The following PGCKA1 variants were observed in gnomAD, a reference collection of about 807,000 sequenced individuals.
PGCKA1 encodes PDCD10 and GCKIII kinases-associated protein 1.
chr4:37,554,837 G>A, the PGCKA1 span, among the ~76,000 whole-genome samples: 110 of 152,272 alleles, frequency 7.2e-4, no homozygotes, highest in Non-Finnish European at 1.2e-3. Context: ...AAAGAATAAT[G>A]AAAAGTCTAG....
At chr4:37,463,877 A>G in the PGCKA1 span, among the ~76,000 whole-genome samples, 12 of 152,154 alleles carry the variant, frequency 7.9e-5, no homozygotes, top group Non-Finnish European at 1.2e-4. Flanking sequence ...TTGACAGGCA[A>G]TTGCCCTTTA....
chr4:37,512,405 A>T, the PGCKA1 span, among the ~76,000 whole-genome samples: 1 of 151,652 alleles, frequency 6.6e-6, no homozygotes, highest in African/African-American at 2.4e-5. Context: ...CCACATTTCC[A>T]AATGTTTCCT....
chr4:37,515,191 G>C, the PGCKA1 span, among the ~76,000 whole-genome samples: 1 of 152,186 alleles, frequency 6.6e-6, no homozygotes, highest in South Asian at 2.1e-4. Context: ...CTCTCTTCCT[G>C]CCATATAAAG....
chr4:37,470,736 G>A, the PGCKA1 span, among the ~76,000 whole-genome samples: 366 of 152,240 alleles, frequency 2.4e-3, no homozygotes, highest in Non-Finnish European at 4.3e-3. Context: ...TATTTTCATT[G>A]TAAGCCAGTT....
chr4:37,527,086 G>A, the PGCKA1 span, among the ~76,000 whole-genome samples: 66 of 116,814 alleles, frequency 5.7e-4, no homozygotes, highest in Admixed American at 2.2e-3. Context: ...TAACAAAAAG[G>A]TTTTTTTAAT....
At chr4:37,546,565 G>C in the PGCKA1 span, among the ~76,000 whole-genome samples, 1 of 152,242 alleles carries the variant, frequency 6.6e-6, no homozygotes, top group Admixed American at 6.5e-5. Context: ...CAGTCAGGGA[G>C]CTCGGATTTT....
the PGCKA1 span, among the ~76,000 whole-genome samples, chr4:37,457,517 A>G: frequency 6.6e-6 from 1 of 152,194 alleles, no homozygotes; most frequent in Non-Finnish European, 1.5e-5. Flanking sequence ...TCACTTGATC[A>G]CTAGTTGTGG....
At chr4:37,591,067 G>T in the PGCKA1 span, 1 of 1,332,002 alleles carries the variant, frequency 7.5e-7, no homozygotes. Flanking sequence ...TTGCTCCCTG[G>T]ATGCATAGCA....
the PGCKA1 span, chr4:37,590,815 T>C: frequency 6.2e-7 from 1 of 1,614,206 alleles, no homozygotes; most frequent in South Asian, 1.1e-5. Flanking sequence ...TCTAAGCATC[T>C]GCTTTAATGA....
At chr4:37,463,424 G>A in the PGCKA1 span, among the ~76,000 whole-genome samples, 2 of 152,180 alleles carry the variant, frequency 1.3e-5, no homozygotes, top group Non-Finnish European at 2.9e-5. Context: ...AACTTGACAA[G>A]ACAAGTTTTA....
the PGCKA1 span, among the ~76,000 whole-genome samples, chr4:37,458,586 G>A: frequency 6.3e-3 from 959 of 152,262 alleles, 14 homozygotes; most frequent in African/African-American, 0.022. Flanking sequence ...TGAGCCTCAC[G>A]TCTTTCATGA....
chr4:37,583,195 G>A, the PGCKA1 span, among the ~76,000 whole-genome samples: 1 of 152,152 alleles, frequency 6.6e-6, no homozygotes, highest in African/African-American at 2.4e-5. Context: ...AAATGTCCCT[G>A]TCATTCTTCA....
the PGCKA1 span, among the ~76,000 whole-genome samples, chr4:37,484,214 A>C: frequency 2.6e-5 from 4 of 152,198 alleles, no homozygotes; most frequent in African/African-American, 9.7e-5. Flanking sequence ...TTATAAAGAA[A>C]AAGAGGTTTA....
chr4:37,555,684 G>A, the PGCKA1 span, among the ~76,000 whole-genome samples: 1 of 152,230 alleles, frequency 6.6e-6, no homozygotes, highest in East Asian at 1.9e-4. Flanking sequence ...TTTTTAAAAT[G>A]GTCTCGATCC....
the PGCKA1 span, among the ~76,000 whole-genome samples, chr4:37,461,941 G>T: frequency 1.9e-3 from 293 of 152,132 alleles, 3 homozygotes; most frequent in African/African-American, 6.5e-3. Context: ...ATGTGAACAT[G>T]ATTCTGGACT....
the PGCKA1 span, among the ~76,000 whole-genome samples, chr4:37,556,577 T>C: frequency 6.6e-6 from 1 of 152,152 alleles, no homozygotes; most frequent in Admixed American, 6.6e-5. Context: ...TTTATTAGTT[T>C]TTCATCCGAT....
chr4:37,525,423 C>T, the PGCKA1 span, among the ~76,000 whole-genome samples: 7 of 152,102 alleles, frequency 4.6e-5, no homozygotes, highest in African/African-American at 1.4e-4. Context: ...TGAGAATTAG[C>T]CACTCTCCAA....
the PGCKA1 span, among the ~76,000 whole-genome samples, chr4:37,520,249 G>T: frequency 6.6e-5 from 10 of 152,126 alleles, no homozygotes; most frequent in African/African-American, 2.4e-4. Flanking sequence ...TTTGGTTTTG[G>T]TATCAAGGTA....
chr4:37,590,274 A>G, the PGCKA1 span: 1 of 1,614,150 alleles, frequency 6.2e-7, no homozygotes. Flanking sequence ...CAGCTGATCC[A>G]TGGGAGCCCT....
Sources: allele counts gnomAD v4.1 joint callset (sites outside exome capture counted in the v4.1 genomes callset), GRCh38; gene constraint gnomAD v4.1.1; transcripts MANE v1.5; gene names NCBI Gene and HGNC (gene_info 2026-07-23, HGNC 2026-07-21).